MATK: variants seen among roughly 807,000 people sequenced by gnomAD.
MATK encodes the protein megakaryocyte-associated tyrosine-protein kinase.
Under a neutral mutation model 59.8 loss-of-function variants are expected in MATK, and 41 were observed. That is an observed-to-expected ratio of 0.69 (90% CI 0.53 to 0.89). The LOEUF (loss-of-function observed/expected upper bound fraction) is 0.89. Among genes scored for constraint, MATK ranks in the 40% least tolerant of loss-of-function variants. The pLI, the probability that MATK is intolerant of heterozygous loss-of-function variation, is 0.00. For missense variants in MATK, 593 were observed against 719.6 expected (o/e 0.82, Z 2.01); for synonymous variants, 308 against 306.1 (o/e 1.01, Z -0.06).
chr19:3,793,020 G>A (rs1004965469), intron 1 of MATK: 3 of 152,230 alleles, frequency 2.0e-5, no homozygotes, highest in African/African-American at 2.4e-5. Context: ...AGGGGACTCC[G>A]GGATTGAGGG....
In MATK at chr19:3,779,040, T is replaced by C; in HGVS notation, c.1149A>G (p.Ser383=). ...LAKAERKGLD[S]SRLPVKWTAP... ...CCGTCCACTTGACGGGCAGCCGGCT[T>C]GAGTCTAGCCCCTTCCGCTCGGCTT... Residue 383 remains serine (S), a synonymous_variant, in exon 12 of 14, where the codon TCA becomes TCG. Coordinates refer to ENST00000310132, the MANE Select transcript of MATK (RefSeq NM_139355.3). The C allele has an allele frequency of 6.3e-7, 1 of 1,589,996 alleles. No individual in the cohort carries two copies. The highest frequency in any genetic ancestry group is 8.6e-7 in the Non-Finnish European group (1 of 1,169,458).
chr19:3,786,548 G>C (rs1199910546), upstream of MATK: 1 of 294,224 alleles, frequency 3.4e-6, no homozygotes, highest in African/African-American at 2.6e-5. This position sits in a 1 kb window ranked among gnomAD's most constrained non-coding sequence, Gnocchi z 4.1. Context: ...ACCCTGGGAA[G>C]CGGGGTTCTT....
At chr19:3,784,494 G>T in intron 3 of MATK, 43 bp from the exon 4 acceptor site, 2 of 1,405,584 alleles carry the variant, frequency 1.4e-6, no homozygotes, top group Non-Finnish European at 9.8e-7. Flanking sequence ...GGACATCACG[G>T]AGATGTGGGG....
chr19:3,793,694 C>T (rs1005244251), intron 1 of MATK, among the ~76,000 whole-genome samples: 1 of 147,006 alleles, frequency 6.8e-6, no homozygotes, highest in African/African-American at 2.5e-5. Context: ...AGAGTGGAGA[C>T]TCCATCTCAA....
upstream of MATK, chr19:3,789,554 G>A (rs1270389185): frequency 1.2e-5 from 6 of 498,120 alleles, no homozygotes; most frequent in Non-Finnish European, 2.2e-5. Flanking sequence ...TTCGCAAATT[G>A]TCAAGGGCTG....
intron 3 of MATK, 50 bp downstream of exon 3, chr19:3,784,775 G>C: frequency 7.2e-7 from 1 of 1,383,612 alleles, no homozygotes; most frequent in Non-Finnish European, 1.0e-6. Flanking sequence ...GGTGTGGACG[G>C]AGTTGAAGAA....
chr19:3,792,014 A>G (rs2037547284), intron 1 of MATK, among the ~76,000 whole-genome samples: 1 of 151,952 alleles, frequency 6.6e-6, no homozygotes, highest in Admixed American at 6.6e-5. Context: ...AGGCTGAGGT[A>G]GGAGAATCGC....
At chr19:3,779,916 C>T in intron 8 of MATK, 119 bp from the exon 9 acceptor site, 1 of 693,912 alleles carries the variant, frequency 1.4e-6, no homozygotes, top group South Asian at 1.6e-5. Flanking sequence ...AGCTGCGGGT[C>T]CCCAGACCTT....
At position 3,786,184 on chromosome 19, in the gene MATK, C is replaced by T. The variant is rs1178023294; in HGVS notation, c.-167G>A. On this transcript the variant is annotated 5_prime_UTR_variant, in exon 1 of 14. Coordinates refer to ENST00000310132, the MANE Select transcript of MATK (RefSeq NM_139355.3). This position sits in a 1 kb window ranked among gnomAD's most constrained non-coding sequence, Gnocchi z 4.1. ...ACGTGCTCACCTGCTCAGGGGGCGC[C>T]CCCGAGCCGCGCCCCGCGCCCGCCC... 4.8e-5 allele frequency: 47 copies of T among 981,094 alleles called. No homozygotes were observed. The highest frequency in any genetic ancestry group is 4.2e-5 in the Non-Finnish European group (35 of 826,426). 60.8% of individuals were successfully genotyped at this position (981,094 alleles called of 1,614,324 possible).
chr19:3,791,430 C>T (rs920459783), intron 1 of MATK, among the ~76,000 whole-genome samples: 1 of 151,538 alleles, frequency 6.6e-6, no homozygotes, highest in Non-Finnish European at 1.5e-5. Context: ...GCAAACTCTG[C>T]CTCCCGGGTT....
At chr19:3,791,810 G>A (rs1449057813) in intron 1 of MATK, among the ~76,000 whole-genome samples, 1 of 151,960 alleles carries the variant, frequency 6.6e-6, no homozygotes, top group Non-Finnish European at 1.5e-5. Flanking sequence ...TCTCATTTGA[G>A]AAGTAGAACA....
intron 1 of MATK, among the ~76,000 whole-genome samples, chr19:3,795,276 C>CTTTT (rs35580481): frequency 1.6e-5 from 2 of 127,920 alleles, no homozygotes. Flanking sequence ...CAAGCCTGGC[C>CTTTT]TTTTTTTTTT....
chr19:3,781,401 G>A (rs1015010247), intron 8 of MATK, among the ~76,000 whole-genome samples: 23 of 152,142 alleles, frequency 1.5e-4, no homozygotes, highest in African/African-American at 3.9e-4. Flanking sequence ...TTGACTGAGC[G>A]CCTGCTTGAG....
At chr19:3,778,703 C>T in intron 12 of MATK, 108 bp from the exon 13 acceptor site, 5 of 1,255,902 alleles carry the variant, frequency 4.0e-6, no homozygotes, top group South Asian at 1.3e-5. Flanking sequence ...CTGGTCTTCT[C>T]CTAATTGAGT....
chr19:3,795,751 CTTTTTTTT>C (rs530367941), intron 1 of MATK, among the ~76,000 whole-genome samples: 23 of 54,780 alleles, frequency 4.2e-4, no homozygotes, highest in African/African-American at 1.4e-3. Flanking sequence ...TAAGTAGGTG[CTTTTTTTT>C]TTTTTTTTTT....
At chr19:3,800,561 G>A (rs1452944785) in intron 1 of MATK, among the ~76,000 whole-genome samples, 2 of 151,986 alleles carry the variant, frequency 1.3e-5, no homozygotes, top group African/African-American at 4.8e-5. Context: ...CAGGAGAATC[G>A]CCTGAACCCA....
intron 1 of MATK, among the ~76,000 whole-genome samples, chr19:3,795,809 T>C (rs918361818): frequency 7.3e-6 from 1 of 137,708 alleles, no homozygotes; most frequent in Non-Finnish European, 1.5e-5. Flanking sequence ...TCGTCCAGGC[T>C]GGAGTGCAGA....
intron 2 of MATK, 64 bp downstream of exon 2, chr19:3,785,000 C>T: frequency 1.3e-6 from 2 of 1,543,792 alleles, no homozygotes; most frequent in Non-Finnish European, 1.8e-6. Context: ...AGAGCCTCCC[C>T]AGAGGCATCC....
chr19:3,784,455 C>T lies in MATK; in HGVS notation c.133-4G>A. 1 of 1,585,748 alleles carries T rather than the reference C, an allele frequency of 6.3e-7. No homozygotes were observed. On this transcript the variant is annotated splice_region_variant and splice_polypyrimidine_tract_variant and intron_variant, in intron 3 of 13. Coordinates refer to ENST00000310132, the MANE Select transcript of MATK (RefSeq NM_139355.3). ...GGGTGCCCGGGGCCCAGCGCCTCTG[C>T]AGAGGGGGCCGGGAGAGGGGCAAAG...
Sources: allele counts gnomAD v4.1 joint callset (sites outside exome capture counted in the v4.1 genomes callset), GRCh38; gene constraint gnomAD v4.1.1; non-coding constraint Gnocchi (gnomAD v3.1); transcripts MANE v1.5; gene names NCBI Gene and HGNC (gene_info 2026-07-23, HGNC 2026-07-21).